The following ZBTB40 variants were observed in gnomAD, a reference collection of about 807,000 sequenced individuals.
The protein encoded by ZBTB40 is zinc finger and BTB domain containing 40, also known as zinc finger and BTB domain-containing protein 40.
ZBTB40 carries 60 observed loss-of-function variants against 117.5 expected under a neutral mutation model. That is an observed-to-expected ratio of 0.51 (90% CI 0.41 to 0.63). The LOEUF (loss-of-function observed/expected upper bound fraction) is 0.63. ZBTB40 is among the 30% of genes least tolerant of loss of function. The pLI, the probability that ZBTB40 is intolerant of heterozygous loss-of-function variation, is 0.00. For missense variants in ZBTB40, 1,287 were observed against 1,498.5 expected, an observed-to-expected ratio of 0.86 and a Z score of 2.33; for synonymous variants, 525 against 577.1, an observed-to-expected ratio of 0.91 and a Z score of 1.29.
rs540888083 is a variant in ZBTB40, at chr1:22,526,331, G to T, written c.3655G>T (p.Val1219Leu). 1.9e-6 allele frequency: 3 copies of T among 1,614,192 alleles called. No homozygotes were observed. Among genetic ancestry groups the T allele is most frequent in the Non-Finnish European group, 2.5e-6 (3 of 1,180,038 alleles). ...GGCATCTCAGGCCAGCTCTGAGCTC[G>T]TGGCGGTGACTGTGGAGGACTTGCT... ...SQASQASSEL[V>L]AVTVEDLLDG... is the part of the protein sequence containing the mutation. Residue 1219 changes from valine to leucine, a missense_variant, in exon 18 of 18, where the codon GTG (valine) becomes TTG (leucine). Physicochemically the swap from Val to Leu is conservative, Grantham distance 32 (BLOSUM62 1). Coordinates refer to ENST00000375647, the MANE Select transcript of ZBTB40 (RefSeq NM_014870.4).
intron 1 of ZBTB40, among the ~76,000 whole-genome samples, chr1:22,480,402 C>G (rs1638258119): frequency 6.6e-6 from 1 of 152,194 alleles, no homozygotes; most frequent in Non-Finnish European, 1.5e-5. Context: ...TTTCAAAGGT[C>G]CCCTCTGACA....
At chr1:22,472,762 G>C (rs929179332) in intron 1 of ZBTB40, among the ~76,000 whole-genome samples, 1 of 152,190 alleles carries the variant, frequency 6.6e-6, no homozygotes, top group African/African-American at 2.4e-5. Flanking sequence ...GGCTTAACTA[G>C]GTCTGGTTGA....
At chr1:22,454,659 C>T (rs1178882001) in intron 1 of ZBTB40, among the ~76,000 whole-genome samples, 1 of 152,212 alleles carries the variant, frequency 6.6e-6, no homozygotes, top group East Asian at 1.9e-4. Flanking sequence ...AGTCACTGTG[C>T]TGTGGTTCAC....
chr1:22,464,725 C>T lies in ZBTB40; in HGVS notation c.-70+12721C>T, dbSNP rs545974313. Among the ~76,000 whole-genome samples the T allele has an allele frequency of 1.6e-4, 24 of 152,238 alleles. No homozygotes were observed. The South Asian group carries it at 4.8e-3, about 30-fold the overall frequency. ...TCTGTATTTTCTATATTTTTAAATGCAAATATGTATATGCATGCACACATA... is the reference window on the plus strand; with the variant it reads ...TCTGTATTTTCTATATTTTTAAATGTAAATATGTATATGCATGCACACATA... On this transcript the variant is annotated intron_variant, in intron 1 of 17. Coordinates refer to ENST00000375647, the MANE Select transcript of ZBTB40 (RefSeq NM_014870.4).
At chr1:22,517,508 C>T (rs771981725) in intron 13 of ZBTB40, 44 bp downstream of exon 13, 2 of 1,592,716 alleles carry the variant, frequency 1.3e-6, no homozygotes, top group Non-Finnish European at 1.7e-6. Context: ...GCCAGCCTGG[C>T]ACTGGGAAAG....
chr1:22,476,714 A>G (rs1315479375), intron 1 of ZBTB40, among the ~76,000 whole-genome samples: 1 of 152,192 alleles, frequency 6.6e-6, no homozygotes. Flanking sequence ...CTATATCAGT[A>G]TAGTCTTTTC....
chr1:22,471,064 A>G (rs1032516907), intron 1 of ZBTB40, among the ~76,000 whole-genome samples: 6 of 152,218 alleles, frequency 3.9e-5, no homozygotes, highest in African/African-American at 1.2e-4. Flanking sequence ...GTGCTATCCA[A>G]CCTCCTCAAG....
At chr1:22,433,517 A>ATAAG (rs111767287) in intron 1 of ZBTB40, among the ~76,000 whole-genome samples, 130,519 of 138,652 alleles carry the variant, frequency 0.94, 62,030 homozygotes, top group Middle Eastern at 1. Flanking sequence ...ATTAAGTAGT[A>ATAAG]TAATCTAGAG....
At position 22,528,363 on chromosome 1, in the gene ZBTB40, CATTAA is replaced by C. The variant is rs560681644; in HGVS notation, c.*1969_*1973del. ...GGGGCTTGGGAGTTGCAGTGAATGT[CATTAA>C]AATTTCTTCCAAAACAAAACTAGAA... On this transcript the variant is annotated 3_prime_UTR_variant, in exon 18 of 18. Coordinates refer to ENST00000375647, the MANE Select transcript of ZBTB40 (RefSeq NM_014870.4). 1 of 152,350 alleles carries C rather than the reference CATTAA, an allele frequency of 6.6e-6. No homozygotes were observed. Among genetic ancestry groups the C allele is most frequent in the African/African-American group, 2.4e-5 (1 of 41,530 alleles). The allele number at this position is 152,350 out of a possible 1,614,324, so 9.4% of individuals were successfully genotyped here.
intron 12 of ZBTB40, among the ~76,000 whole-genome samples, chr1:22,514,041 G>C (rs573884235): frequency 2.0e-5 from 3 of 152,214 alleles, no homozygotes; most frequent in African/African-American, 7.2e-5. Flanking sequence ...TGGCCTGAAG[G>C]GGGCAGGGAG....
intron 3 of ZBTB40, among the ~76,000 whole-genome samples, chr1:22,493,770 G>C (rs536712890): frequency 1.3e-5 from 2 of 148,624 alleles, no homozygotes; most frequent in African/African-American, 4.9e-5. Flanking sequence ...TTCATTGAGC[G>C]TAAGTATCTT....
chr1:22,521,656 C>G lies in ZBTB40; in HGVS notation c.3209C>G (p.Ala1070Gly), dbSNP rs533084554. Residue 1070 changes from alanine to glycine, a missense_variant and splice_region_variant, in exon 15 of 18, where the codon GCA becomes GGA. By Grantham distance (60) the Ala-to-Gly change is moderately conservative. Coordinates refer to ENST00000375647, the MANE Select transcript of ZBTB40 (RefSeq NM_014870.4). ...EHKKHIKAEH[A>G]DMKFHECDQC... The stretch of plus-strand genomic sequence containing the variant: ...AAGAAGCACATCAAAGCAGAACATG[C>G]AGGTGGAGTTTGGGTACCGCCGGCA... The G allele has an allele frequency of 6.2e-7, 1 of 1,614,248 alleles. No homozygotes were observed. The highest frequency in any genetic ancestry group is 1.1e-5 in the South Asian group (1 of 91,084).
At chr1:22,492,128 C>T (rs552404125) in intron 3 of ZBTB40, among the ~76,000 whole-genome samples, 1 of 152,242 alleles carries the variant, frequency 6.6e-6, no homozygotes, top group East Asian at 1.9e-4. Flanking sequence ...AAAACTGTCT[C>T]AAAGAGGTGG....
Position 22,440,945 on chromosome 1 carries a change from T to C in ZBTB40, c.-70+11931T>C, listed in dbSNP as rs921407466. ...ATATTAGTCTATAGTTTTCTTTTTC[T>C]TGTAGTGCCCTTGTCTGGCTTTGGT... is the stretch of plus-strand genomic sequence containing the variant. On this transcript the variant is annotated intron_variant, in intron 1 of 8. Transcript: ENST00000650433. Among the ~76,000 whole-genome samples the C allele has an allele frequency of 2.0e-5, 3 of 152,178 alleles. No individual in the cohort carries two copies. In the South Asian group the frequency reaches 6.2e-4, roughly 32 times the overall value.
chr1:22,467,077 T>C (rs1641273442), intron 1 of ZBTB40, among the ~76,000 whole-genome samples: 1 of 152,186 alleles, frequency 6.6e-6, no homozygotes, highest in Non-Finnish European at 1.5e-5. Context: ...TTTTAACCAT[T>C]AATACTATTG....
upstream of ZBTB40, among the ~76,000 whole-genome samples, chr1:22,449,267 GA>G (rs1291455418): frequency 2.0e-5 from 3 of 152,124 alleles, no homozygotes; most frequent in East Asian, 1.9e-4. Flanking sequence ...TTCTAAAGTA[GA>G]AAAAAAGTTG....
chr1:22,486,137 A>G (rs1474541532), intron 1 of ZBTB40, among the ~76,000 whole-genome samples: 2 of 152,136 alleles, frequency 1.3e-5, no homozygotes, highest in African/African-American at 4.8e-5. Context: ...TTTTTGTTGA[A>G]AGGTGGACAT....
At chr1:22,435,836 T>C (rs1640662578) in intron 1 of ZBTB40, among the ~76,000 whole-genome samples, 1 of 151,966 alleles carries the variant, frequency 6.6e-6, no homozygotes, top group Non-Finnish European at 1.5e-5. Flanking sequence ...ATCCAAAATA[T>C]ATTTTGGATA....
At chr1:22,506,474 A>G (rs1046847150) in intron 6 of ZBTB40, among the ~76,000 whole-genome samples, 8 of 152,100 alleles carry the variant, frequency 5.3e-5, no homozygotes, top group African/African-American at 1.9e-4. Flanking sequence ...GTGGCTCAGG[A>G]TTTATTAACG....
Sources: allele counts gnomAD v4.1 joint callset (sites outside exome capture counted in the v4.1 genomes callset), GRCh38; gene constraint gnomAD v4.1.1; transcripts MANE v1.5; gene names NCBI Gene and HGNC (gene_info 2026-07-23, HGNC 2026-07-21).